KMT2A: variants seen among roughly 807,000 people sequenced by gnomAD.
The protein encoded by KMT2A is histone-lysine N-methyltransferase 2A.
KMT2A carries 16 observed loss-of-function variants against 345.3 expected under a neutral mutation model. The ratio of observed to expected loss-of-function variants is 0.05; its 90% CI spans 0.03 to 0.07. The LOEUF (loss-of-function observed/expected upper bound fraction) is 0.07. Among genes scored for constraint, KMT2A ranks in the 10% least tolerant of loss-of-function variants. KMT2A has a pLI of 1.00. For missense variants in KMT2A, 3,272 were observed against 4,841.6 expected (o/e 0.68, Z 9.62); for synonymous variants, 1,599 against 1,778.6 (o/e 0.90, Z 2.54).
At position 118,436,492 on chromosome 11, in the gene KMT2A, GCTTCA is replaced by G. The variant is rs782284416; in HGVS notation, c.-14_-10del. The G allele has an allele frequency of 7.2e-6, 9 of 1,252,256 alleles. No individual in the cohort carries two copies. The highest frequency in any genetic ancestry group is 9.1e-6 in the Non-Finnish European group (9 of 986,516). The allele number at this position is 1,252,256 out of a possible 1,614,324, so 77.6% of individuals were successfully genotyped here. On this transcript the variant is annotated 5_prime_UTR_variant, in exon 1 of 36. Transcript: ENST00000534358. This position sits in a 1 kb window ranked among gnomAD's most constrained non-coding sequence, Gnocchi z 6.9. ...TGTGTTGTCGCCTCTCCCTCTCGCT[GCTTCA>G]CTTCACGGGGCGAACATGGCGCACA... is the stretch of plus-strand genomic sequence containing the variant.
Position 118,501,060 on chromosome 11 carries a change from C to T in KMT2A, c.6232C>T (p.Arg2078Cys), listed in dbSNP as rs782301554. Residue 2078 changes from arginine (R) to cysteine (C), a missense_variant, in exon 25 of 36, where the codon CGT (arginine) becomes TGT (cysteine). By Grantham distance (180) the Arg-to-Cys change is radical (BLOSUM62 -3). Transcript: ENST00000534358. Reference sequence around the variant, plus strand: ...ATATACATGCAAGATAGTGGAGTGCCGTCCTCCAGTCGTAGAGCCGGATAT... The same window carrying T: ...ATATACATGCAAGATAGTGGAGTGCTGTCCTCCAGTCGTAGAGCCGGATAT... The part of the protein sequence containing the change: ...CVYTCKIVEC[R>C]PPVVEPDINS... 5.6e-6 allele frequency: 9 copies of T among 1,613,848 alleles called. No homozygotes were observed. Among genetic ancestry groups the T allele is most frequent in the African/African-American group, 4.0e-5 (3 of 74,896 alleles).
Position 118,520,360 on chromosome 11 carries a change from T to C in KMT2A, c.11429+296T>C, listed in dbSNP as rs1950932104. On this transcript the variant is annotated intron_variant, in intron 33 of 35. Coordinates refer to ENST00000534358, the MANE Select transcript of KMT2A (RefSeq NM_001197104.2). This position sits in a 1 kb window ranked among gnomAD's most constrained non-coding sequence, Gnocchi z 4.3. ...CAGAAAGTACTATATATACTAAAAA[T>C]GGGACTCATTGGCCAGGCACAGTGG... is the stretch of plus-strand genomic sequence containing the variant. The C allele has an allele frequency of 5.4e-6, 2 of 369,494 alleles. No individual in the cohort carries two copies. The highest frequency in any genetic ancestry group is 8.6e-5 in the Admixed American group (2 of 23,294). The allele number at this position is 369,494 out of a possible 1,614,324, so 22.9% of individuals were successfully genotyped here.
At chr11:118,482,925 A>C (rs1950161862) in intron 8 of KMT2A, among the ~76,000 whole-genome samples, 1 of 152,140 alleles carries the variant, frequency 6.6e-6, no homozygotes. Flanking sequence ...AAAGCAAAAC[A>C]CTGTCTCCAA....
In KMT2A at chr11:118,498,229, T is replaced by TA; in HGVS notation, c.5803-138dup. On this transcript the variant is annotated intron_variant, in intron 21 of 35. Coordinates refer to ENST00000534358, the MANE Select transcript of KMT2A (RefSeq NM_001197104.2). The surrounding 1 kb of genome is among the most constrained non-coding windows in gnomAD (Gnocchi z 4.4). ...ATACATAATTCAACAGATAAAATGA[T>TA]AAATTTTATCTGTTTTCAATTTATC... 8.5e-7 allele frequency: 1 copy of TA among 1,169,628 alleles called. No homozygotes were observed. The highest frequency in any genetic ancestry group is 1.2e-6 in the Non-Finnish European group (1 of 822,338). The allele number at this position is 1,169,628 out of a possible 1,614,324, so 72.5% of individuals were successfully genotyped here.
intron 1 of KMT2A, among the ~76,000 whole-genome samples, chr11:118,466,540 C>A (rs782078211): frequency 3.7e-4 from 57 of 152,268 alleles, no homozygotes; most frequent in Non-Finnish European, 6.6e-4. Context: ...ACTGGCTGGG[C>A]ACAGTGGCTC....
intron 1 of KMT2A, among the ~76,000 whole-genome samples, chr11:118,442,655 G>A (rs1949338175): frequency 6.6e-6 from 1 of 152,164 alleles, no homozygotes; most frequent in Admixed American, 6.5e-5. Flanking sequence ...GTTAACTTTT[G>A]ATTAGAAAGA....
intron 4 of KMT2A, among the ~76,000 whole-genome samples, chr11:118,477,498 CTTTTTTTTTTTTTTT>C (rs11430367): frequency 3.5e-5 from 2 of 56,926 alleles, no homozygotes; most frequent in African/African-American, 7.7e-5. Flanking sequence ...AAGTTATTGG[CTTTTTTTTTTTTTTT>C]TTTTTTTTTT....
intron 28 of KMT2A, 182 bp downstream of exon 28, chr11:118,507,791 C>G (rs1565308680): frequency 3.7e-6 from 2 of 538,520 alleles, no homozygotes; most frequent in Non-Finnish European, 6.7e-6. Context: ...GAAACCCCGT[C>G]TCTACTAAAA....
chr11:118,466,552 C>A (rs1036228671), intron 1 of KMT2A, among the ~76,000 whole-genome samples: 2 of 151,950 alleles, frequency 1.3e-5, no homozygotes, highest in Non-Finnish European at 2.9e-5. Context: ...CAGTGGCTCA[C>A]GCCTGTAAAT....
At position 118,484,793 on chromosome 11, in the gene KMT2A, T is replaced by G; in HGVS notation, c.4219-69T>G. The G allele has an allele frequency of 2.0e-6, 2 of 1,020,152 alleles. No homozygotes were observed. The highest frequency in any genetic ancestry group is 3.1e-6 in the Non-Finnish European group (2 of 645,150). 63.2% of individuals were successfully genotyped at this position (1,020,152 alleles called of 1,614,324 possible). A position where few individuals can be genotyped will look rare whatever the true frequency, so the allele number is the denominator to read the frequency against. ...TGATGTCACACTAATTTTATGCTTT[T>G]CATCCTTATTTTCCATCCAAAGTTG... On this transcript the variant is annotated intron_variant, in intron 9 of 35. Coordinates refer to ENST00000534358, the MANE Select transcript of KMT2A (RefSeq NM_001197104.2). The surrounding 1 kb of genome is among the most constrained non-coding windows in gnomAD (Gnocchi z 4.1).
chr11:118,507,734 G>A (rs1950610605), intron 28 of KMT2A, 125 bp downstream of exon 28: 1 of 706,234 alleles, frequency 1.4e-6, no homozygotes, highest in Non-Finnish European at 2.5e-6. Flanking sequence ...GGAGGCCGAG[G>A]CAGGTGGATC....
chr11:118,491,308 A>G lies in KMT2A; in HGVS notation c.4809A>G (p.Ser1603=). The change falls in exon 14 of 36, where the codon TCA becomes TCG. Residue 1603 remains serine, a synonymous_variant. Coordinates refer to ENST00000534358, the MANE Select transcript of KMT2A (RefSeq NM_001197104.2). The surrounding 1 kb of genome is among the most constrained non-coding windows in gnomAD (Gnocchi z 4.2). ...TCCATTCCAAATGTGAGAATCTTTCAGGTACAGAAGGTTGGAGTCTTTTTA... is the reference window on the plus strand; with the variant it reads ...TCCATTCCAAATGTGAGAATCTTTCGGGTACAGAAGGTTGGAGTCTTTTTA... ...RWVHSKCENL[S]GTEDEMYEIL... is the part of the protein sequence containing the mutation. The G allele has an allele frequency of 6.2e-7, 1 of 1,613,456 alleles. No individual in the cohort carries two copies. The highest frequency in any genetic ancestry group is 8.5e-7 in the Non-Finnish European group (1 of 1,179,720).
Position 118,504,092 on chromosome 11 carries a change from A to T in KMT2A, c.8200A>T (p.Thr2734Ser), listed in dbSNP as rs782350622. The T allele has an allele frequency of 6.2e-7, 1 of 1,613,852 alleles. No individual in the cohort carries two copies. The highest frequency in any genetic ancestry group is 1.3e-5 in the African/African-American group (1 of 74,938). The change falls in exon 27 of 36, where the codon ACA becomes TCA. Residue 2734 changes from threonine to serine, a missense_variant. Thr to Ser is a moderately conservative substitution (Grantham distance 58, BLOSUM62 1). Around this residue, in one of 27 missense-constraint regions of KMT2A, gnomAD observed 9 missense variants for 27.7 expected, o/e 0.32. Coordinates refer to ENST00000534358, the MANE Select transcript of KMT2A (RefSeq NM_001197104.2). The surrounding 1 kb of genome is among the most constrained non-coding windows in gnomAD (Gnocchi z 6.4). ...TGGGACAGAGAGTGATACTAGTGTC[A>T]CAGCCACAACAAGGAAAAGCAGCCA... ...DDGTESDTSV[T>S]ATTRKSSQIP...
At chr11:118,454,340 A>G (rs1010991544) in intron 1 of KMT2A, among the ~76,000 whole-genome samples, 3 of 152,198 alleles carry the variant, frequency 2.0e-5, no homozygotes, top group Admixed American at 6.5e-5. Flanking sequence ...ATTCTGCTAT[A>G]TAGCCACACT....
At position 118,520,082 on chromosome 11, in the gene KMT2A, A is replaced by C. The variant is rs1555053027; in HGVS notation, c.11429+18A>C. On this transcript the variant is annotated intron_variant, in intron 33 of 35. Coordinates refer to ENST00000534358, the MANE Select transcript of KMT2A (RefSeq NM_001197104.2). The surrounding 1 kb of genome is among the most constrained non-coding windows in gnomAD (Gnocchi z 4.3). Reference sequence around the variant, plus strand: ...TCAGCTCGGTAAGTCTTGAGTGGGGAGCAGTCATTAGAAACTGCTTTCCCT... The same window carrying C: ...TCAGCTCGGTAAGTCTTGAGTGGGGCGCAGTCATTAGAAACTGCTTTCCCT... The C allele has an allele frequency of 2.6e-6, 4 of 1,541,714 alleles. No individual in the cohort carries two copies. The highest frequency in any genetic ancestry group is 1.8e-6 in the Non-Finnish European group (2 of 1,116,002).
rs1555036730 is a variant in KMT2A at position 118,473,920 on chromosome 11, G to A, written c.2761G>A (p.Val921Ile). ...CAAAGAGAAGGTTGTTGGTGAAGAT[G>A]TTGCCACTTCATCTTCTGCCAAAAA... ...VSKEKVVGED[V>I]ATSSSAKKAT... Residue 921 changes from valine to isoleucine, a missense_variant, in exon 3 of 36, where the codon GTT (valine) becomes ATT (isoleucine). Transcript: ENST00000534358. This position sits in a 1 kb window ranked among gnomAD's most constrained non-coding sequence, Gnocchi z 5.2. 6.2e-7 allele frequency: 1 copy of A among 1,614,162 alleles called. No homozygotes were observed.
intron 8 of KMT2A, among the ~76,000 whole-genome samples, chr11:118,483,299 G>T (rs1207751582): frequency 6.6e-6 from 1 of 151,042 alleles, no homozygotes; most frequent in African/African-American, 2.4e-5. Flanking sequence ...TTGGGAGGCC[G>T]AGGCGGGCGG....
chr11:118,486,048 A>C (rs929012146), intron 10 of KMT2A, among the ~76,000 whole-genome samples: 5 of 152,154 alleles, frequency 3.3e-5, no homozygotes, highest in Admixed American at 2.0e-4. Flanking sequence ...GCCCCACTGC[A>C]CTCCCGCCTG....
Position 118,523,898 on chromosome 11 carries a change from C to A in KMT2A, c.*1726C>A, listed in dbSNP as rs2135307244. 2 of 200,926 alleles carry A rather than the reference C, an allele frequency of 1.0e-5. No individual in the cohort carries two copies. The highest frequency in any genetic ancestry group is 2.0e-5 in the Non-Finnish European group (2 of 97,580). The allele number at this position is 200,926 out of a possible 1,614,324, so 12.4% of individuals were successfully genotyped here. A position where few individuals can be genotyped will look rare whatever the true frequency, so the allele number is the denominator to read the frequency against. On this transcript the variant is annotated 3_prime_UTR_variant, in exon 36 of 36. Coordinates refer to ENST00000534358, the MANE Select transcript of KMT2A (RefSeq NM_001197104.2). ...CCCAACTCCATTGGGCCACTCCCCT[C>A]CTTCCCCTATTGAAGCTCCTCAAAA...
Sources: gnomAD v4.1 joint callset for allele counts (sites outside exome capture counted in the v4.1 genomes callset) on GRCh38, gnomAD v4.1.1 for gene constraint, gnomAD v4.1.1 regional missense constraint, Gnocchi (gnomAD v3.1) non-coding constraint, MANE v1.5 for transcripts, NCBI Gene and HGNC (gene_info 2026-07-23, HGNC 2026-07-21) for gene names.